CADM1: variants seen among roughly 807,000 people sequenced by gnomAD.
The protein encoded by CADM1 is TSLC-1.
In CADM1, 15 loss-of-function variants were observed where a neutral mutation model predicts 53.1. The observed-to-expected ratio is 0.28, with a 90% CI of 0.19 to 0.44. The LOEUF (loss-of-function observed/expected upper bound fraction) is 0.44. Ranked by LOEUF, CADM1 falls within the 20% of genes least tolerant of loss-of-function variation. The probability of loss-of-function intolerance (pLI) is 1.00; values close to 1 mark genes in which losing one functional copy is unlikely to be tolerated. For synonymous variants in CADM1, 281 were observed against 243.0 expected (o/e 1.16, Z -1.45); for missense variants, 434 against 611.3 (o/e 0.71, Z 3.06).
chr11:115,451,708 T>C (rs1262905962), intron 1 of CADM1, among the ~76,000 whole-genome samples: 1 of 152,176 alleles, frequency 6.6e-6, no homozygotes, highest in Non-Finnish European at 1.5e-5. Context: ...ACCATGACCA[T>C]GGAAATGGGG....
chr11:115,491,727 A>C (rs921060144), intron 1 of CADM1, among the ~76,000 whole-genome samples: 7 of 152,210 alleles, frequency 4.6e-5, no homozygotes, highest in Admixed American at 6.5e-5. Flanking sequence ...GGTAGACTGG[A>C]TTAAGAAAAT....
At chr11:115,332,260 G>T (rs964438826) in intron 1 of CADM1, among the ~76,000 whole-genome samples, 15 of 152,194 alleles carry the variant, frequency 9.9e-5, no homozygotes, top group African/African-American at 3.4e-4. Context: ...GAGAAGACAG[G>T]TTGAGGAGAA....
chr11:115,325,878 A>G (rs937283732), intron 1 of CADM1, among the ~76,000 whole-genome samples: 3 of 152,200 alleles, frequency 2.0e-5, no homozygotes, highest in African/African-American at 7.2e-5. Flanking sequence ...CATGGACCTT[A>G]AAACAAGATT....
At chr11:115,368,157 G>T (rs186942325) in intron 1 of CADM1, among the ~76,000 whole-genome samples, 2 of 95,954 alleles carry the variant, frequency 2.1e-5, no homozygotes, top group Non-Finnish European at 3.7e-5. Flanking sequence ...GGAGGAAATG[G>T]TCTTCCCTTC....
intron 1 of CADM1, among the ~76,000 whole-genome samples, chr11:115,298,194 A>G (rs1453791848): frequency 6.6e-6 from 1 of 152,200 alleles, no homozygotes; most frequent in South Asian, 2.1e-4. Context: ...TGGGCATGCC[A>G]ATTTATCTCC....
At chr11:115,209,794 G>T (rs1165733204) in intron 7 of CADM1, 137 bp from the exon 8 acceptor site, 3 of 1,013,522 alleles carry the variant, frequency 3.0e-6, no homozygotes, top group East Asian at 4.8e-5. Context: ...TTCTTTCCCT[G>T]CAAGATTTAT....
At chr11:115,370,232 G>T (rs1946276217) in intron 1 of CADM1, among the ~76,000 whole-genome samples, 1 of 152,146 alleles carries the variant, frequency 6.6e-6, no homozygotes, top group South Asian at 2.1e-4. Context: ...GTAAGAAAGA[G>T]ATCAGAGCAG....
intron 1 of CADM1, among the ~76,000 whole-genome samples, chr11:115,306,206 T>C (rs1204984280): frequency 6.6e-6 from 1 of 151,830 alleles, no homozygotes; most frequent in African/African-American, 2.4e-5. Flanking sequence ...GTACCTTTTC[T>C]ATGTTTAGAT....
chr11:115,239,132 G>C (rs931995320), intron 2 of CADM1, among the ~76,000 whole-genome samples: 1 of 152,108 alleles, frequency 6.6e-6, no homozygotes, highest in East Asian at 1.9e-4. Flanking sequence ...AAAATTGTAA[G>C]TAAGGCCTTC....
rs148016388 is a variant in CADM1 at position 115,299,528 on chromosome 11, C to T, written c.125-59108G>A. Among the ~76,000 whole-genome samples the T allele has an allele frequency of 2.1e-3, 320 of 152,162 alleles. 1 individual carries two copies. Among genetic ancestry groups the T allele is most frequent in the African/African-American group, 7.1e-3 (296 of 41,520 alleles). ...AGAATGGCAAGACCAGACACCAATA[C>T]GCATCATGGTGGAAAGATGTTTAAA... On this transcript the variant is annotated intron_variant, in intron 1 of 11. Coordinates refer to ENST00000331581, the MANE Select transcript of CADM1 (RefSeq NM_001301043.2).
intron 4 of CADM1, 88 bp downstream of exon 4, chr11:115,231,265 G>A (rs1037773872): frequency 7.2e-7 from 1 of 1,383,106 alleles, no homozygotes. Context: ...TGTTTCATGG[G>A]CATGTTTTGT....
intron 1 of CADM1, chr11:115,256,756 G>C (rs924784801): frequency 1.1e-5 from 5 of 454,790 alleles, no homozygotes; most frequent in South Asian, 7.8e-5. Context: ...TTAACATATG[G>C]CAATTGCAAT....
chr11:115,329,486 C>G (rs913107614), intron 1 of CADM1, among the ~76,000 whole-genome samples: 6 of 152,086 alleles, frequency 3.9e-5, no homozygotes, highest in Non-Finnish European at 5.9e-5. Context: ...GTCTGTTGGG[C>G]TGCTGCATGC....
intron 1 of CADM1, among the ~76,000 whole-genome samples, chr11:115,301,846 A>G (rs1373530045): frequency 1.3e-5 from 2 of 152,150 alleles, no homozygotes; most frequent in Admixed American, 6.5e-5. Flanking sequence ...AATGCACTCA[A>G]AATGCTTATC....
intron 1 of CADM1, among the ~76,000 whole-genome samples, chr11:115,257,658 T>C (rs1942836144): frequency 6.6e-6 from 1 of 152,226 alleles, no homozygotes; most frequent in South Asian, 2.1e-4. Context: ...ATGAAGAATG[T>C]AGGGCTTGTA....
intron 1 of CADM1, among the ~76,000 whole-genome samples, chr11:115,330,634 A>C (rs890272653): frequency 1.3e-5 from 2 of 151,976 alleles, no homozygotes; most frequent in African/African-American, 4.8e-5. Context: ...GAAGGAATAT[A>C]CTCCCACCCT....
At chr11:115,223,710 C>A (rs1220918372) in intron 5 of CADM1, among the ~76,000 whole-genome samples, 1 of 152,126 alleles carries the variant, frequency 6.6e-6, no homozygotes, top group Non-Finnish European at 1.5e-5. Context: ...AGCCTCTTGA[C>A]ACTTTTGGTA....
intron 1 of CADM1, among the ~76,000 whole-genome samples, chr11:115,314,742 T>C (rs1437269815): frequency 6.6e-6 from 1 of 152,064 alleles, no homozygotes; most frequent in East Asian, 1.9e-4. Flanking sequence ...GGAAGGCAAA[T>C]GGTAACAAAA....
intron 1 of CADM1, among the ~76,000 whole-genome samples, chr11:115,473,017 G>A (rs1197307185): frequency 6.6e-6 from 1 of 152,102 alleles, no homozygotes; most frequent in Admixed American, 6.5e-5. Flanking sequence ...GTAAGAACAG[G>A]TGCTAACATA....
Sources: allele counts gnomAD v4.1 joint callset (sites outside exome capture counted in the v4.1 genomes callset), GRCh38; gene constraint gnomAD v4.1.1; transcripts MANE v1.5; gene names NCBI Gene and HGNC (gene_info 2026-07-23, HGNC 2026-07-21).